Variants in CLPTM1L observed in about 807,000 individuals in gnomAD.
The protein encoded by CLPTM1L is CLPTM1 like, also known as lipid scramblase CLPTM1L.
CLPTM1L carries 38 observed loss-of-function variants against 70.9 expected under a neutral mutation model. The ratio of observed to expected loss-of-function variants is 0.54; its 90% CI spans 0.41 to 0.70. The LOEUF (loss-of-function observed/expected upper bound fraction) is 0.70, where lower values mean the gene tolerates loss of function less well. Ranked by LOEUF, CLPTM1L falls within the 30% of genes least tolerant of loss-of-function variation. CLPTM1L has a pLI of 0.00. For synonymous variants in CLPTM1L, 339 were observed against 299.9 expected (o/e 1.13, Z -1.35); for missense variants, 652 against 705.9 (o/e 0.92, Z 0.87).
intron 11 of CLPTM1L, among the ~76,000 whole-genome samples, chr5:1,324,341 TCCC>T (rs916479100): frequency 8.5e-5 from 13 of 152,276 alleles, no homozygotes; most frequent in African/African-American, 3.1e-4. Context: ...GAATTCCAGC[TCCC>T]CCAACAGCAA....
rs1754002540 is a variant in CLPTM1L at position 1,342,310 on chromosome 5, C to T, written c.264-450G>A. ...GCTCCAGGTGCCTCGGCCCACACTA[C>T]TGGAACCTCAGAAATTTAATGTGGG... On this transcript the variant is annotated intron_variant, in intron 2 of 16. Coordinates refer to ENST00000320895, the MANE Select transcript of CLPTM1L (RefSeq NM_030782.5). The surrounding 1 kb of genome is among the most constrained non-coding windows in gnomAD (Gnocchi z 4.3). Among the ~76,000 whole-genome samples, 1 of 152,188 alleles carries T rather than the reference C, an allele frequency of 6.6e-6. No homozygotes were observed. Among genetic ancestry groups the T allele is most frequent in the Admixed American group, 6.5e-5 (1 of 15,286 alleles).
At chr5:1,325,141 A>G in intron 10 of CLPTM1L, 1 of 408,020 alleles carries the variant, frequency 2.5e-6, no homozygotes, top group Non-Finnish European at 4.4e-6. Context: ...ACTGCTCCGA[A>G]CCAGCCGGCC....
chr5:1,332,895 G>A (rs1197189750), intron 7 of CLPTM1L, among the ~76,000 whole-genome samples: 1 of 152,182 alleles, frequency 6.6e-6, no homozygotes, highest in African/African-American at 2.4e-5. Context: ...ACCCCCTGAG[G>A]ATGAGGGACT....
rs1561243548 is a variant in CLPTM1L, at chr5:1,333,223, GGATAAGGGGGGACTACTGTATACACACCA to G, written c.891+1037_891+1065del. On this transcript the variant is annotated intron_variant, in intron 7 of 16. Coordinates refer to ENST00000320895, the MANE Select transcript of CLPTM1L (RefSeq NM_030782.5). The stretch of plus-strand genomic sequence containing the variant: ...AAGGGGGGACTACTGTAGACACACC[GGATAAGGGGGGACTACTGTATACACACCA>G]GATAAGGGGGGACTACTGTATACAC... 4.4e-3 allele frequency among the ~76,000 whole-genome samples: 194 copies of G among 44,528 alleles called. 32 individuals carry two copies. The highest frequency in any genetic ancestry group is 0.03 in the African/African-American group (184 of 6,084). 29.2% of individuals were successfully genotyped at this position (44,528 alleles called of 152,430 possible). A position where few individuals can be genotyped will look rare whatever the true frequency, so the allele number is the denominator to read the frequency against.
intron 4 of CLPTM1L, chr5:1,338,295 C>T (rs1753713930): frequency 7.0e-6 from 3 of 426,808 alleles, no homozygotes; most frequent in Non-Finnish European, 1.3e-5. Context: ...TGCGCACTGA[C>T]ACGGAGCAAT....
chr5:1,340,589 G>T (rs185322537), intron 3 of CLPTM1L, among the ~76,000 whole-genome samples: 2 of 152,296 alleles, frequency 1.3e-5, no homozygotes, highest in Admixed American at 1.3e-4. Flanking sequence ...CTGGAGAGGA[G>T]GGATGGGGGC....
chr5:1,337,920 C>T lies in CLPTM1L; in HGVS notation c.662G>A (p.Arg221His), dbSNP rs752193453. 5.0e-6 allele frequency: 8 copies of T among 1,603,034 alleles called. No homozygotes were observed. In the Admixed American group the frequency reaches 5.2e-5, roughly 10 times the overall value. The change falls in exon 5 of 17, where the codon CGC (arginine) becomes CAC (histidine). Residue 221 changes from arginine to histidine, a missense_variant. This residue lies in a region of CLPTM1L where 402 missense variants were observed against 388.2 expected (regional missense o/e 1.04). Coordinates refer to ENST00000320895, the MANE Select transcript of CLPTM1L (RefSeq NM_030782.5). Reference sequence around the variant, plus strand: ...GTCACTCACCATCAGGTCCTTCACGCGGTTGCTGAGCTGGTCGATGAACAG... The same window carrying T: ...GTCACTCACCATCAGGTCCTTCACGTGGTTGCTGAGCTGGTCGATGAACAG... ...PILFIDQLSN[R>H]VKDLMVINRS...
Position 1,318,393 on chromosome 5 carries a change from G to T in CLPTM1L, c.1593C>A (p.Ala531=). 6.2e-7 allele frequency: 1 copy of T among 1,613,788 alleles called. No homozygotes were observed. Among genetic ancestry groups the T allele is most frequent in the Non-Finnish European group, 8.5e-7 (1 of 1,179,956 alleles). ...NEFGESYEEK[A]TRAPHTD is the part of the protein sequence containing the mutation. Reference sequence around the variant, plus strand: ...TTCAGTCCGTGTGGGGCGCCCGCGTGGCCTTCTCCTCGTAGGACTCCCCAA... The same window carrying T: ...TTCAGTCCGTGTGGGGCGCCCGCGTTGCCTTCTCCTCGTAGGACTCCCCAA... The change falls in exon 17 of 17, where the codon GCC becomes GCA. Residue 531 remains alanine, a synonymous_variant. Transcript: ENST00000320895. This position sits in a 1 kb window ranked among gnomAD's most constrained non-coding sequence, Gnocchi z 8.9.
chr5:1,330,205 C>T (rs570073757), intron 9 of CLPTM1L, 75 bp downstream of exon 9: 11 of 1,241,384 alleles, frequency 8.9e-6, no homozygotes, highest in African/African-American at 4.4e-5. Context: ...TCTCAGGTCC[C>T]GGGGCTGAAA....
chr5:1,329,560 T>C (rs1752935774), intron 9 of CLPTM1L, among the ~76,000 whole-genome samples: 1 of 132,028 alleles, frequency 7.6e-6, no homozygotes, highest in African/African-American at 3.2e-5. Context: ...GGACAGGGCC[T>C]CAGGACTCTC....
chr5:1,324,177 C>A (rs989745590), intron 11 of CLPTM1L: 9 of 422,294 alleles, frequency 2.1e-5, no homozygotes, highest in Non-Finnish European at 3.4e-5. Flanking sequence ...GGAAAGAAAC[C>A]GGAAAAAACT....
chr5:1,324,909 C>T, intron 10 of CLPTM1L, 96 bp from the exon 11 acceptor site: 1 of 1,154,268 alleles, frequency 8.7e-7, no homozygotes, highest in Non-Finnish European at 1.3e-6. Context: ...GGCTGCAGAG[C>T]TGACCCAGGC....
At position 1,322,801 on chromosome 5, in the gene CLPTM1L, G is replaced by A. The variant is rs1752235263; in HGVS notation, c.1315+76C>T. The A allele has an allele frequency of 2.0e-6, 3 of 1,467,160 alleles. No individual in the cohort carries two copies. In the African/African-American group the frequency reaches 4.2e-5, roughly 20 times the overall value. The allele number at this position is 1,467,160 out of a possible 1,614,324, so 90.9% of individuals were successfully genotyped here. ...AATCACAGGGGGGCTTGCCACACTG[G>A]GTTTCAATGCAAGAACAATTAAATC... On this transcript the variant is annotated intron_variant, in intron 13 of 16. Coordinates refer to ENST00000320895, the MANE Select transcript of CLPTM1L (RefSeq NM_030782.5).
At chr5:1,321,425 A>G (rs1752146137) in intron 15 of CLPTM1L, among the ~76,000 whole-genome samples, 1 of 152,234 alleles carries the variant, frequency 6.6e-6, no homozygotes, top group Non-Finnish European at 1.5e-5. Context: ...GTGACAAGTG[A>G]GAGAACCACC....
chr5:1,344,568 A>AT, intron 1 of CLPTM1L, 112 bp downstream of exon 1: 1 of 1,458,504 alleles, frequency 6.9e-7, no homozygotes. Context: ...GAAAGGTTCC[A>AT]TCTCGACTCG....
intron 3 of CLPTM1L, among the ~76,000 whole-genome samples, chr5:1,341,369 AT>A: frequency 6.6e-6 from 1 of 152,322 alleles, no homozygotes; most frequent in South Asian, 2.1e-4. Context: ...CCAGCGCTCC[AT>A]CCCACCAGGT....
chr5:1,325,340 G>GATAC, intron 10 of CLPTM1L: 1 of 253,726 alleles, frequency 3.9e-6, no homozygotes, highest in Non-Finnish European at 7.5e-6. Flanking sequence ...GGGGCCTTAT[G>GATAC]GGCGCCCAGG....
intron 4 of CLPTM1L, 149 bp downstream of exon 4, chr5:1,338,711 A>G: frequency 2.4e-6 from 2 of 819,340 alleles, no homozygotes; most frequent in South Asian, 3.5e-5. Flanking sequence ...AACCTCAATG[A>G]GGAAGTGGGA....
rs1195033978 is a variant in CLPTM1L, at chr5:1,337,037, G to A, written c.678+867C>T. 5.9e-5 allele frequency among the ~76,000 whole-genome samples: 9 copies of A among 152,182 alleles called. No individual in the cohort carries two copies. The South Asian group carries it at 8.3e-4, about 14-fold the overall frequency. ...GCCCGCCTCAGAGGTCAGAGGTGCC[G>A]AGAGCCTTAAGTGGAAGTGGCCGGC... On this transcript the variant is annotated intron_variant, in intron 5 of 16. Coordinates refer to ENST00000320895, the MANE Select transcript of CLPTM1L (RefSeq NM_030782.5).
Sources: gnomAD v4.1 joint callset for allele counts (sites outside exome capture counted in the v4.1 genomes callset) on GRCh38, gnomAD v4.1.1 for gene constraint, gnomAD v4.1.1 regional missense constraint, Gnocchi (gnomAD v3.1) non-coding constraint, MANE v1.5 for transcripts, NCBI Gene and HGNC (gene_info 2026-07-23, HGNC 2026-07-21) for gene names.